The following DPP10 variants were observed in gnomAD, a reference collection of about 807,000 sequenced individuals.
The protein encoded by DPP10 is inactive dipeptidyl peptidase 10.
Under a neutral mutation model 120.9 loss-of-function variants are expected in DPP10, and 33 were observed. The observed-to-expected ratio is 0.27, with a 90% confidence interval of 0.21 to 0.37. DPP10 has a LOEUF of 0.37. Ranked by LOEUF, DPP10 falls within the 10% of genes least tolerant of loss-of-function variation. The pLI is 1.00. For synonymous variants in DPP10, 337 were observed against 326.1 expected (o/e 1.03, Z -0.36); for missense variants, 816 against 942.8 (o/e 0.87, Z 1.76).
chr2:114,782,567 A>C (rs898955141), intron 1 of DPP10, among the ~76,000 whole-genome samples: 1 of 152,166 alleles, frequency 6.6e-6, no homozygotes, highest in Non-Finnish European at 1.5e-5. Flanking sequence ...TTCTGAGAAG[A>C]CATGAAAGTT....
chr2:115,233,193 C>G (rs1380939835), intron 1 of DPP10, among the ~76,000 whole-genome samples: 3 of 141,584 alleles, frequency 2.1e-5, no homozygotes, highest in African/African-American at 7.9e-5. Context: ...AGAAGTTTTG[C>G]AATTGTGTAG....
intron 1 of DPP10, among the ~76,000 whole-genome samples, chr2:115,230,707 T>G (rs1312265149): frequency 6.6e-6 from 1 of 152,070 alleles, no homozygotes; most frequent in Non-Finnish European, 1.5e-5. Flanking sequence ...TGTTAATGAT[T>G]TATTTGTTGT....
intron 7 of DPP10, among the ~76,000 whole-genome samples, chr2:115,717,445 T>G (rs2092532251): frequency 6.6e-6 from 1 of 152,196 alleles, no homozygotes; most frequent in Admixed American, 6.5e-5. Context: ...TGCCTGTATT[T>G]GTGTTAAGTT....
intron 1 of DPP10, among the ~76,000 whole-genome samples, chr2:114,855,408 T>G (rs1221132171): frequency 6.6e-6 from 1 of 152,150 alleles, no homozygotes; most frequent in Admixed American, 6.6e-5. Context: ...TTAAGACATA[T>G]TCTTATACTC....
intron 2 of DPP10, among the ~76,000 whole-genome samples, chr2:115,333,199 A>G (rs1054589359): frequency 6.6e-6 from 1 of 151,772 alleles, no homozygotes; most frequent in African/African-American, 2.4e-5. Flanking sequence ...GTCTCTTTTG[A>G]TCTTTGTTGG....
intron 1 of DPP10, among the ~76,000 whole-genome samples, chr2:115,234,182 T>G (rs1387816051): frequency 6.6e-6 from 1 of 152,150 alleles, no homozygotes; most frequent in Non-Finnish European, 1.5e-5. Context: ...TGCATTACAA[T>G]CAAGTTGGCT....
chr2:115,030,473 TTTC>T, intron 1 of DPP10, among the ~76,000 whole-genome samples: 1 of 152,232 alleles, frequency 6.6e-6, no homozygotes, highest in East Asian at 1.9e-4. Context: ...AAGGAGTGAT[TTTC>T]TTTTTTCCCA....
At chr2:115,570,025 A>T (rs2081249450) in intron 5 of DPP10, among the ~76,000 whole-genome samples, 1 of 152,242 alleles carries the variant, frequency 6.6e-6, no homozygotes, top group African/African-American at 2.4e-5. Flanking sequence ...CCTTACGGTT[A>T]TCTGTGTGAC....
chr2:115,219,195 A>C (rs2057001321), intron 1 of DPP10, among the ~76,000 whole-genome samples: 1 of 152,166 alleles, frequency 6.6e-6, no homozygotes, highest in Admixed American at 6.6e-5. Flanking sequence ...ACACATGCTC[A>C]TAACATAGGT....
intron 2 of DPP10, among the ~76,000 whole-genome samples, chr2:115,330,800 C>T (rs1002839294): frequency 9.2e-5 from 14 of 152,152 alleles, no homozygotes; most frequent in South Asian, 6.2e-4. Flanking sequence ...TGTTTTGGTA[C>T]GAGTACCATG....
chr2:114,895,260 T>C (rs1692869441), intron 1 of DPP10, among the ~76,000 whole-genome samples: 1 of 152,212 alleles, frequency 6.6e-6, no homozygotes, highest in Non-Finnish European at 1.5e-5. Context: ...TTTGCAAAAT[T>C]CACAATCTAT....
At chr2:114,932,581 T>C (rs1696158954) in intron 1 of DPP10, among the ~76,000 whole-genome samples, 1 of 152,210 alleles carries the variant, frequency 6.6e-6, no homozygotes, top group African/African-American at 2.4e-5. Flanking sequence ...ATTTTATTTA[T>C]ATACAGTTCC....
At chr2:115,816,678 G>A (rs1253724602) in intron 21 of DPP10, among the ~76,000 whole-genome samples, 6 of 146,184 alleles carry the variant, frequency 4.1e-5, no homozygotes, top group Admixed American at 1.4e-4. Context: ...GTGCAGTGGC[G>A]CGATCTGGGC....
intron 1 of DPP10, among the ~76,000 whole-genome samples, chr2:114,663,364 A>G (rs892290025): frequency 1.3e-5 from 2 of 150,440 alleles, no homozygotes; most frequent in Admixed American, 1.3e-4. Context: ...GATGACTGGC[A>G]GTTATTGAAT....
At chr2:114,854,466 T>C (rs1244940664) in intron 1 of DPP10, among the ~76,000 whole-genome samples, 1 of 152,182 alleles carries the variant, frequency 6.6e-6, no homozygotes, top group Non-Finnish European at 1.5e-5. Flanking sequence ...ATAGGAGAGC[T>C]GATTGAAAAC....
chr2:114,994,255 A>G (rs1022903546), intron 1 of DPP10, among the ~76,000 whole-genome samples: 3 of 152,190 alleles, frequency 2.0e-5, no homozygotes, highest in African/African-American at 7.2e-5. Context: ...TCTGGGCAGA[A>G]GATGTGGGGT....
chr2:114,905,354 TTAAA>T (rs1693880598), intron 1 of DPP10, among the ~76,000 whole-genome samples: 1 of 152,184 alleles, frequency 6.6e-6, no homozygotes, highest in Non-Finnish European at 1.5e-5. Flanking sequence ...TTTAATTTCT[TTAAA>T]TAATGTTTCC....
At chr2:115,239,284 G>A (rs758617239) in intron 1 of DPP10, among the ~76,000 whole-genome samples, 4 of 152,190 alleles carry the variant, frequency 2.6e-5, no homozygotes, top group Non-Finnish European at 4.4e-5. Context: ...AAGTTCAACT[G>A]TGGGAAAAAT....
chr2:114,847,734 A>T lies in DPP10; in HGVS notation c.60+404896A>T, dbSNP rs149736425. On this transcript the variant is annotated intron_variant, in intron 1 of 25. Transcript: ENST00000410059. ...ATAAAAGTTTATCTGCATAAAAGTTATCTTCTTATATTTTATTTCAATAAT... is the reference window on the plus strand; with the variant it reads ...ATAAAAGTTTATCTGCATAAAAGTTTTCTTCTTATATTTTATTTCAATAAT... Among the ~76,000 whole-genome samples, 462 of 152,314 alleles carry T rather than the reference A, an allele frequency of 3.0e-3. 2 individuals are homozygous for T. Among genetic ancestry groups the T allele is most frequent in the African/African-American group, 0.011 (437 of 41,578 alleles).
Sources: allele counts gnomAD v4.1 joint callset (sites outside exome capture counted in the v4.1 genomes callset), GRCh38; gene constraint gnomAD v4.1.1; transcripts MANE v1.5; gene names NCBI Gene and HGNC (gene_info 2026-07-23, HGNC 2026-07-21).